Variants in NEGR1 observed in about 807,000 individuals in gnomAD.
The protein encoded by NEGR1 is neuronal growth regulator 1.
In NEGR1, 10 loss-of-function variants were observed where a neutral mutation model predicts 40.9. That is an observed-to-expected ratio of 0.24 (90% confidence interval 0.15 to 0.42). The LOEUF (loss-of-function observed/expected upper bound fraction) is 0.42, where lower values mean the gene tolerates loss of function less well. Ranked by LOEUF, NEGR1 falls within the 10% of genes least tolerant of loss-of-function variation. The pLI is 1.00. For synonymous variants in NEGR1, 185 were observed against 166.8 expected, an observed-to-expected ratio of 1.11 and a Z score of -0.84; for missense variants, 352 against 438.9, an observed-to-expected ratio of 0.80 and a Z score of 1.77.
chr1:71,409,904 A>T (rs368667630), intron 6 of NEGR1, among the ~76,000 whole-genome samples: 1 of 152,010 alleles, frequency 6.6e-6, no homozygotes, highest in Non-Finnish European at 1.5e-5. Context: ...ACATTCATTC[A>T]TTCAGCAAGT....
At chr1:72,181,890 A>T (rs1308626587) in intron 1 of NEGR1, among the ~76,000 whole-genome samples, 1 of 152,164 alleles carries the variant, frequency 6.6e-6, no homozygotes, top group African/African-American at 2.4e-5. Context: ...GGAGAAGGAC[A>T]GAGGGGAGAA....
At chr1:71,599,987 T>G (rs1261187778) in intron 5 of NEGR1, among the ~76,000 whole-genome samples, 2 of 152,210 alleles carry the variant, frequency 1.3e-5, no homozygotes, top group Non-Finnish European at 2.9e-5. Flanking sequence ...CCCATGATTT[T>G]AATGTAAAAT....
intron 1 of NEGR1, among the ~76,000 whole-genome samples, chr1:72,215,366 G>A (rs937815175): frequency 1.3e-5 from 2 of 152,072 alleles, no homozygotes; most frequent in African/African-American, 4.8e-5. Flanking sequence ...TTGAAAAATG[G>A]TATCTAATTA....
At chr1:71,569,884 T>C (rs897903572) in intron 6 of NEGR1, among the ~76,000 whole-genome samples, 10 of 152,230 alleles carry the variant, frequency 6.6e-5, no homozygotes, top group Admixed American at 2.0e-4. Flanking sequence ...ACCAACGGGG[T>C]CACTTCATTT....
chr1:72,186,067 C>T (rs1389760047), intron 1 of NEGR1, among the ~76,000 whole-genome samples: 1 of 151,742 alleles, frequency 6.6e-6, no homozygotes, highest in Non-Finnish European at 1.5e-5. Flanking sequence ...AAGTAGTTAG[C>T]TATTACTCAT....
chr1:71,802,693 TA>T lies in NEGR1; in HGVS notation c.410-26397del, dbSNP rs538423471. 3.4e-3 allele frequency among the ~76,000 whole-genome samples: 519 copies of T among 152,320 alleles called. 5 individuals carry two copies. Among genetic ancestry groups the T allele is most frequent in the African/African-American group, 0.012 (496 of 41,580 alleles). On this transcript the variant is annotated intron_variant, in intron 2 of 6. Transcript: ENST00000357731. Reference sequence around the variant, plus strand: ...AGTATTCTTAAGCCTTAAGATCTAATAAAATGCCTTGATAGGTTTTAGAATG... The same window carrying T: ...AGTATTCTTAAGCCTTAAGATCTAATAAATGCCTTGATAGGTTTTAGAATG...
chr1:71,603,899 T>C (rs534616756), intron 5 of NEGR1, among the ~76,000 whole-genome samples: 60 of 152,208 alleles, frequency 3.9e-4, no homozygotes, highest in Non-Finnish European at 7.6e-4. Context: ...CATGGGAACA[T>C]ATGTTTTAAA....
chr1:71,659,813 A>G (rs1651998341), intron 4 of NEGR1, among the ~76,000 whole-genome samples: 1 of 152,224 alleles, frequency 6.6e-6, no homozygotes. Context: ...ATTATCAAAA[A>G]GTTAAAAAAT....
intron 3 of NEGR1, among the ~76,000 whole-genome samples, chr1:71,709,081 G>C (rs1476776544): frequency 6.6e-6 from 1 of 152,106 alleles, no homozygotes; most frequent in African/African-American, 2.4e-5. Flanking sequence ...CTTTATAATA[G>C]AATGATTTAT....
At chr1:71,717,493 T>C (rs1654316379) in intron 3 of NEGR1, among the ~76,000 whole-genome samples, 1 of 152,252 alleles carries the variant, frequency 6.6e-6, no homozygotes, top group African/African-American at 2.4e-5. Flanking sequence ...TAATCCTATT[T>C]ATGTGCCATA....
chr1:72,130,399 G>GT (rs1650200049), intron 1 of NEGR1, among the ~76,000 whole-genome samples: 2 of 152,144 alleles, frequency 1.3e-5, no homozygotes, highest in Admixed American at 1.3e-4. Context: ...GTTCTTTTAA[G>GT]TAACAACCCT....
chr1:72,064,269 C>A (rs145536158), intron 1 of NEGR1, among the ~76,000 whole-genome samples: 618 of 151,966 alleles, frequency 4.1e-3, no homozygotes, highest in African/African-American at 0.014. Context: ...TCGTCTTTTT[C>A]TCTTCAGTTA....
chr1:71,588,741 G>T (rs7517576), intron 6 of NEGR1, among the ~76,000 whole-genome samples: 1 of 151,952 alleles, frequency 6.6e-6, no homozygotes, highest in African/African-American at 2.4e-5. Context: ...TATTTCCCTC[G>T]CACCCAAAGA....
chr1:71,876,360 C>T (rs916003261), intron 2 of NEGR1, among the ~76,000 whole-genome samples: 2 of 151,934 alleles, frequency 1.3e-5, no homozygotes, highest in African/African-American at 4.8e-5. Flanking sequence ...CAAATATATA[C>T]AAAAATTATC....
intron 4 of NEGR1, among the ~76,000 whole-genome samples, chr1:71,645,141 T>C (rs1300847996): frequency 5.9e-5 from 9 of 151,956 alleles, no homozygotes; most frequent in Admixed American, 5.9e-4. Flanking sequence ...CATCACGCTT[T>C]TCAGTTTTGC....
intron 1 of NEGR1, among the ~76,000 whole-genome samples, chr1:71,981,747 T>G (rs1378164378): frequency 6.6e-6 from 1 of 152,102 alleles, no homozygotes; most frequent in Non-Finnish European, 1.5e-5. Flanking sequence ...AAGAATGTTA[T>G]GTCTAATGGC....
chr1:72,207,292 A>T (rs558234944), intron 1 of NEGR1, among the ~76,000 whole-genome samples: 1 of 152,006 alleles, frequency 6.6e-6, no homozygotes, highest in South Asian at 2.1e-4. Context: ...TTAAGTGCAT[A>T]CTCAAAGAAT....
chr1:71,686,185 T>C (rs1415662689), intron 4 of NEGR1, among the ~76,000 whole-genome samples: 1 of 152,156 alleles, frequency 6.6e-6, no homozygotes, highest in Non-Finnish European at 1.5e-5. Flanking sequence ...TGAAGTAAGA[T>C]GTGATGCAAA....
rs571549528 is a variant in NEGR1 at position 71,900,805 on chromosome 1, A to C, written c.409+34274T>G. ...TGGAAAATGTAGATTTGTTTAATTA[A>C]TATTAATTTGATTGTACTTGGAAAG... On this transcript the variant is annotated intron_variant, in intron 2 of 6. Coordinates refer to ENST00000357731, the MANE Select transcript of NEGR1 (RefSeq NM_173808.3). Among the ~76,000 whole-genome samples the C allele has an allele frequency of 3.9e-5, 6 of 152,250 alleles. No individual in the cohort carries two copies. The South Asian group carries it at 8.3e-4, about 21-fold the overall frequency.
Sources: allele counts gnomAD v4.1 joint callset (sites outside exome capture counted in the v4.1 genomes callset), GRCh38; gene constraint gnomAD v4.1.1; transcripts MANE v1.5; gene names NCBI Gene and HGNC (gene_info 2026-07-23, HGNC 2026-07-21).